Variants in C1orf21 observed in about 807,000 individuals in gnomAD.
C1orf21 encodes the protein chromosome 1 open reading frame 21.
In C1orf21, 3 loss-of-function variants were observed where a neutral mutation model predicts 18.7. The ratio of observed to expected loss-of-function variants is 0.16; its 90% CI spans 0.07 to 0.42. The LOEUF (loss-of-function observed/expected upper bound fraction) is 0.42. Among genes scored for constraint, C1orf21 ranks in the 10% least tolerant of loss-of-function variants. The pLI is 0.99. For synonymous variants in C1orf21, 41 were observed against 46.4 expected (o/e 0.88, Z 0.47); for missense variants, 104 against 143.6 (o/e 0.72, Z 1.41).
intron 3 of C1orf21, among the ~76,000 whole-genome samples, chr1:184,568,122 T>A (rs1406266870): frequency 2.0e-5 from 3 of 152,184 alleles, no homozygotes; most frequent in African/African-American, 7.2e-5. Flanking sequence ...TTTGAAGTGA[T>A]ACCCTTGAGG....
At chr1:184,442,327 C>G (rs754552334) in intron 1 of C1orf21, among the ~76,000 whole-genome samples, 49 of 152,146 alleles carry the variant, frequency 3.2e-4, no homozygotes, top group Non-Finnish European at 6.5e-4. Context: ...TCTGATTCTA[C>G]TAGTAAAATG....
At chr1:184,591,602 C>G (rs552759471) in intron 4 of C1orf21, among the ~76,000 whole-genome samples, 1 of 151,958 alleles carries the variant, frequency 6.6e-6, no homozygotes, top group African/African-American at 2.4e-5. Flanking sequence ...GTCAGGAGAT[C>G]GAGACCATCC....
At chr1:184,537,968 G>T (rs1658586079) in intron 3 of C1orf21, among the ~76,000 whole-genome samples, 1 of 152,068 alleles carries the variant, frequency 6.6e-6, no homozygotes, top group Non-Finnish European at 1.5e-5. Flanking sequence ...AATTCTCTTG[G>T]GCACATACCC....
At chr1:184,454,505 C>A (rs1426560187) in intron 1 of C1orf21, among the ~76,000 whole-genome samples, 1 of 152,148 alleles carries the variant, frequency 6.6e-6, no homozygotes, top group Admixed American at 6.5e-5. Context: ...CACCAAATCT[C>A]ATGTCAAACT....
At chr1:184,560,042 G>A (rs79050487) in intron 3 of C1orf21, among the ~76,000 whole-genome samples, 1,599 of 152,188 alleles carry the variant, frequency 0.011, 30 homozygotes, top group African/African-American at 0.037. Flanking sequence ...GTGAGCCACC[G>A]TGCCCAGCCC....
intron 3 of C1orf21, among the ~76,000 whole-genome samples, chr1:184,573,193 T>TG (rs553086301): frequency 2.1e-4 from 32 of 152,336 alleles, no homozygotes; most frequent in African/African-American, 7.7e-4. Context: ...TGATGGCACT[T>TG]GCAGCTGCAG....
chr1:184,572,034 A>G (rs532376433), intron 3 of C1orf21, among the ~76,000 whole-genome samples: 120 of 152,310 alleles, frequency 7.9e-4, no homozygotes, highest in African/African-American at 2.8e-3. Flanking sequence ...ACATGGCAGG[A>G]CTTGTGCCTG....
intron 5 of C1orf21, among the ~76,000 whole-genome samples, chr1:184,618,745 A>G (rs1460876431): frequency 6.6e-6 from 1 of 151,866 alleles, no homozygotes; most frequent in African/African-American, 2.4e-5. Context: ...ACCCTTATCT[A>G]TGACATCGGA....
intron 3 of C1orf21, among the ~76,000 whole-genome samples, chr1:184,560,289 TA>T (rs1658943797): frequency 6.6e-6 from 1 of 152,164 alleles, no homozygotes; most frequent in East Asian, 1.9e-4. Flanking sequence ...TAACAGATAT[TA>T]GATGACTTTG....
At chr1:184,418,766 G>A (rs1656500243) in intron 1 of C1orf21, among the ~76,000 whole-genome samples, 1 of 152,188 alleles carries the variant, frequency 6.6e-6, no homozygotes, top group Non-Finnish European at 1.5e-5. Context: ...GTTTGTTGAG[G>A]CTTAGTGAAG....
chr1:184,533,057 A>G (rs1436231803), intron 3 of C1orf21, among the ~76,000 whole-genome samples: 2 of 152,120 alleles, frequency 1.3e-5, no homozygotes, highest in Non-Finnish European at 2.9e-5. Context: ...ATTCCCCAGT[A>G]TAAAGCCCTT....
At chr1:184,399,047 T>A (rs944481924) in intron 1 of C1orf21, among the ~76,000 whole-genome samples, 2 of 152,212 alleles carry the variant, frequency 1.3e-5, no homozygotes, top group African/African-American at 4.8e-5. Context: ...TCATCATTTT[T>A]AAAAATTATT....
chr1:184,485,635 G>A (rs1293654991), intron 2 of C1orf21, among the ~76,000 whole-genome samples: 1 of 151,388 alleles, frequency 6.6e-6, no homozygotes, highest in Non-Finnish European at 1.5e-5. Flanking sequence ...TCAGCCTTTT[G>A]TGTGTCAGGG....
At chr1:184,502,234 G>A (rs1413791312) in intron 2 of C1orf21, among the ~76,000 whole-genome samples, 1 of 152,184 alleles carries the variant, frequency 6.6e-6, no homozygotes, top group Non-Finnish European at 1.5e-5. Flanking sequence ...CCTGCATTTT[G>A]TATCTGATGA....
At chr1:184,588,681 A>G (rs1246208319) in intron 3 of C1orf21, among the ~76,000 whole-genome samples, 1 of 152,210 alleles carries the variant, frequency 6.6e-6, no homozygotes, top group African/African-American at 2.4e-5. Context: ...GTTAAAATGA[A>G]TTAATATTTG....
intron 3 of C1orf21, among the ~76,000 whole-genome samples, chr1:184,586,564 T>A (rs1659357035): frequency 6.6e-6 from 1 of 152,114 alleles, no homozygotes; most frequent in Non-Finnish European, 1.5e-5. Context: ...ATTACAGGCG[T>A]GAGCCACCGC....
intron 1 of C1orf21, among the ~76,000 whole-genome samples, chr1:184,462,859 A>G (rs1290496480): frequency 6.6e-6 from 1 of 152,064 alleles, no homozygotes; most frequent in African/African-American, 2.4e-5. Context: ...AGGTGGGCGG[A>G]TCACCTGAGG....
At chr1:184,477,029 G>A (rs1657581805) in intron 1 of C1orf21, among the ~76,000 whole-genome samples, 1 of 152,096 alleles carries the variant, frequency 6.6e-6, no homozygotes, top group South Asian at 2.1e-4. Flanking sequence ...TTCCTCGACA[G>A]TTTTTGAGAT....
At chr1:184,498,079 T>C (rs1657920012) in intron 2 of C1orf21, among the ~76,000 whole-genome samples, 1 of 152,152 alleles carries the variant, frequency 6.6e-6, no homozygotes, top group South Asian at 2.1e-4. Context: ...CTTTGCTCTT[T>C]CCGATGTCAA....
Sources: gnomAD v4.1 joint callset for allele counts (sites outside exome capture counted in the v4.1 genomes callset) on GRCh38, gnomAD v4.1.1 for gene constraint, MANE v1.5 for transcripts, NCBI Gene and HGNC (gene_info 2026-07-23, HGNC 2026-07-21) for gene names.